The following PREX2 variants were observed in gnomAD, a reference collection of about 807,000 sequenced individuals.
PREX2 encodes phosphatidylinositol-3,4,5-trisphosphate dependent Rac exchange factor 2, also known as phosphatidylinositol 3,4,5-trisphosphate-dependent Rac exchanger 2 protein.
A neutral mutation model predicts 203.2 loss-of-function variants in PREX2; 107 were observed. The observed-to-expected ratio is 0.53, with a 90% CI of 0.45 to 0.62. The LOEUF is 0.62. Ranked by LOEUF, PREX2 falls within the 20% of genes least tolerant of loss-of-function variation. The pLI is 0.00. For missense variants in PREX2, 1,777 were observed against 1,955.9 expected, an observed-to-expected ratio of 0.91 and a Z score of 1.72; for synonymous variants, 672 against 663.6, an observed-to-expected ratio of 1.01 and a Z score of -0.19.
In PREX2 at chr8:68,079,264, T is replaced by C. The variant is rs541311696; in HGVS notation, c.1643-1179T>C. On this transcript the variant is annotated intron_variant, in intron 15 of 39. Coordinates refer to ENST00000288368, the MANE Select transcript of PREX2 (RefSeq NM_024870.4). ...TGATAGTTTCGTTTGTTAACTCAAG[T>C]TGCCATCCAGTCTTTCAACCAAAGA... 7.2e-5 allele frequency among the ~76,000 whole-genome samples: 11 copies of C among 152,356 alleles called. No homozygotes were observed. The South Asian group carries it at 2.3e-3, about 32-fold the overall frequency.
intron 1 of PREX2, among the ~76,000 whole-genome samples, chr8:67,977,735 T>C (rs1401707273): frequency 6.6e-5 from 10 of 152,100 alleles, no homozygotes; most frequent in Admixed American, 6.5e-4. Context: ...AATGATTTAA[T>C]CAATTGTGTC....
chr8:68,224,003 T>A (rs867980222), intron 38 of PREX2, among the ~76,000 whole-genome samples: 5 of 152,060 alleles, frequency 3.3e-5, no homozygotes, highest in Admixed American at 2.0e-4. Flanking sequence ...CTTTTTAAAA[T>A]TTTTATTTAT....
chr8:68,085,641 G>A (rs1024308184), intron 18 of PREX2, among the ~76,000 whole-genome samples: 2 of 152,084 alleles, frequency 1.3e-5, no homozygotes, highest in African/African-American at 4.8e-5. Context: ...TTGTATAAAC[G>A]TAATTCTTTT....
intron 34 of PREX2, among the ~76,000 whole-genome samples, chr8:68,148,685 A>G (rs1811374070): frequency 6.6e-6 from 1 of 152,260 alleles, no homozygotes; most frequent in Non-Finnish European, 1.5e-5. Flanking sequence ...AGCAAACATT[A>G]GGTTTTGGTA....
Position 68,236,874 on chromosome 8 carries a change from T to C in PREX2, c.*5496T>C, listed in dbSNP as rs1174747063. 6.6e-6 allele frequency: 1 copy of C among 152,126 alleles called. No individual in the cohort carries two copies. Among genetic ancestry groups the C allele is most frequent in the African/African-American group, 2.4e-5 (1 of 41,454 alleles). The allele number at this position is 152,126 out of a possible 1,614,324, so 9.4% of individuals were successfully genotyped here. ...CTTTTTTTCCTTTGTAAAATATCCA[T>C]GTAACATAGCTTCCATTACTCCATA... On this transcript the variant is annotated 3_prime_UTR_variant, in exon 40 of 40. Transcript: ENST00000288368.
intron 3 of PREX2, among the ~76,000 whole-genome samples, chr8:68,021,654 G>A (rs1807570696): frequency 6.6e-6 from 1 of 152,176 alleles, no homozygotes; most frequent in African/African-American, 2.4e-5. Flanking sequence ...CAGATTGATT[G>A]ATCTTTCTTC....
chr8:68,058,460 G>A (rs575036072), intron 10 of PREX2, among the ~76,000 whole-genome samples: 76 of 151,082 alleles, frequency 5.0e-4, no homozygotes, highest in African/African-American at 1.8e-3. Context: ...TTGAGATGGA[G>A]TCTCACTCTG....
At chr8:68,004,512 GA>G (rs2129609824) in intron 1 of PREX2, among the ~76,000 whole-genome samples, 1 of 152,258 alleles carries the variant, frequency 6.6e-6, no homozygotes, top group South Asian at 2.1e-4. Context: ...CATCCTTATT[GA>G]ATTAGACTCT....
At chr8:68,036,811 G>A (rs1808047323) in intron 6 of PREX2, among the ~76,000 whole-genome samples, 1 of 151,982 alleles carries the variant, frequency 6.6e-6, no homozygotes, top group South Asian at 2.1e-4. Context: ...TGGGCGTGGT[G>A]GCATGCCTGT....
chr8:68,169,355 A>G (rs1811826851), intron 35 of PREX2, among the ~76,000 whole-genome samples: 1 of 151,968 alleles, frequency 6.6e-6, no homozygotes. Flanking sequence ...AATGCTGGAC[A>G]AGCAAAGTCA....
intron 30 of PREX2, among the ~76,000 whole-genome samples, chr8:68,122,941 G>A (rs946762656): frequency 6.6e-6 from 1 of 152,078 alleles, no homozygotes; most frequent in Non-Finnish European, 1.5e-5. Flanking sequence ...ATCGATTTTA[G>A]TGTATGTGCC....
intron 35 of PREX2, among the ~76,000 whole-genome samples, chr8:68,166,646 G>T (rs1227962721): frequency 6.6e-6 from 1 of 152,156 alleles, no homozygotes; most frequent in Admixed American, 6.5e-5. Flanking sequence ...CATCACAAGA[G>T]AAATTTTGCC....
intron 38 of PREX2, 62 bp from the exon 39 acceptor site, chr8:68,224,497 A>T: frequency 8.1e-7 from 1 of 1,240,510 alleles, no homozygotes; most frequent in Non-Finnish European, 1.2e-6. Flanking sequence ...CACAAATGTT[A>T]ATGGTATGTT....
chr8:68,236,032 A>G lies in PREX2; in HGVS notation c.*4654A>G, dbSNP rs1302132601. ...TATTATATTTACTAGTGTTTGTGAT[A>G]ATGTTATAAAAATTAATAAGATTGT... On this transcript the variant is annotated 3_prime_UTR_variant, in exon 40 of 40. Transcript: ENST00000288368. 1.3e-5 allele frequency: 2 copies of G among 152,132 alleles called. No homozygotes were observed. The highest frequency in any genetic ancestry group is 1.9e-4 in the East Asian group (1 of 5,198). 9.4% of individuals were successfully genotyped at this position (152,132 alleles called of 1,614,324 possible).
intron 14 of PREX2, among the ~76,000 whole-genome samples, chr8:68,073,517 ATAAT>A (rs1809260296): frequency 6.6e-6 from 1 of 152,144 alleles, no homozygotes; most frequent in African/African-American, 2.4e-5. Context: ...ACATATTTTG[ATAAT>A]TTATATTAGT....
intron 7 of PREX2, among the ~76,000 whole-genome samples, chr8:68,042,420 T>C (rs1808226519): frequency 6.6e-6 from 1 of 152,098 alleles, no homozygotes; most frequent in African/African-American, 2.4e-5. Flanking sequence ...GCGTTTTTAG[T>C]TTCTTGCAAT....
intron 39 of PREX2, among the ~76,000 whole-genome samples, chr8:68,227,928 C>A (rs1813083638): frequency 6.6e-6 from 1 of 152,180 alleles, no homozygotes; most frequent in African/African-American, 2.4e-5. Context: ...CAATCTGTGT[C>A]TAAAAGATGT....
intron 24 of PREX2, among the ~76,000 whole-genome samples, chr8:68,108,580 A>G (rs941945223): frequency 1.3e-5 from 2 of 152,200 alleles, no homozygotes; most frequent in South Asian, 4.1e-4. Flanking sequence ...TATGCATATG[A>G]TAGGCACAGC....
intron 33 of PREX2, among the ~76,000 whole-genome samples, chr8:68,142,874 A>G (rs896454223): frequency 2.6e-5 from 4 of 152,158 alleles, no homozygotes; most frequent in Admixed American, 6.5e-5. Flanking sequence ...ATATCATGAA[A>G]TTTATTTTGT....
Sources: gnomAD v4.1 joint callset for allele counts (sites outside exome capture counted in the v4.1 genomes callset) on GRCh38, gnomAD v4.1.1 for gene constraint, MANE v1.5 for transcripts, NCBI Gene and HGNC (gene_info 2026-07-23, HGNC 2026-07-21) for gene names.